ADAMTSL1: variants seen among roughly 807,000 people sequenced by gnomAD.
ADAMTSL1 encodes ADAMTS like 1, also known as ADAMTS-like protein 1.
Under a neutral mutation model 201.8 loss-of-function variants are expected in ADAMTSL1, and 126 were observed. The ratio of observed to expected loss-of-function variants is 0.62; its 90% confidence interval spans 0.54 to 0.72. ADAMTSL1 has a LOEUF of 0.72. Among genes scored for constraint, ADAMTSL1 ranks in the 30% least tolerant of loss-of-function variants. The pLI is 0.00. For synonymous variants in ADAMTSL1, 1,121 were observed against 903.4 expected (o/e 1.24, Z -4.32); for missense variants, 2,679 against 2,277.8 (o/e 1.18, Z -3.59).
chr9:18,132,932 G>T (rs773106635), intron 1 of ADAMTSL1, among the ~76,000 whole-genome samples: 2 of 152,128 alleles, frequency 1.3e-5, no homozygotes, highest in Non-Finnish European at 2.9e-5. Flanking sequence ...TACGGAGATA[G>T]CGTTCAGACT....
At chr9:17,945,402 G>A (rs1265051516) in intron 1 of ADAMTSL1, among the ~76,000 whole-genome samples, 1 of 133,806 alleles carries the variant, frequency 7.5e-6, no homozygotes, top group African/African-American at 3.0e-5. Flanking sequence ...GTGGAAGTCA[G>A]TGTGGCGATT....
intron 15 of ADAMTSL1, among the ~76,000 whole-genome samples, chr9:18,729,731 CG>C: frequency 6.6e-6 from 1 of 152,210 alleles, no homozygotes; most frequent in African/African-American, 2.4e-5. Context: ...CAGCCAAAGC[CG>C]GAGTTTGGGA....
chr9:18,816,989 G>C, intron 20 of ADAMTSL1, 120 bp from the exon 21 acceptor site: 1 of 1,301,120 alleles, frequency 7.7e-7, no homozygotes, highest in Non-Finnish European at 1.0e-6. Context: ...AGAAAACATA[G>C]TTAGTGGCAA....
intron 23 of ADAMTSL1, among the ~76,000 whole-genome samples, chr9:18,831,076 C>T (rs1029321244): frequency 9.2e-5 from 14 of 152,212 alleles, no homozygotes; most frequent in African/African-American, 3.1e-4. Flanking sequence ...AGCACAGAAA[C>T]ATGACCCTCA....
At chr9:18,838,205 G>T (rs1402635862) in intron 23 of ADAMTSL1, among the ~76,000 whole-genome samples, 1 of 151,980 alleles carries the variant, frequency 6.6e-6, no homozygotes, top group African/African-American at 2.4e-5. Context: ...AAAACCATCA[G>T]ATCTCATGAG....
chr9:18,290,908 A>C (rs1331313471), intron 2 of ADAMTSL1, among the ~76,000 whole-genome samples: 1 of 151,822 alleles, frequency 6.6e-6, no homozygotes, highest in Non-Finnish European at 1.5e-5. Flanking sequence ...CAGCCTCCCA[A>C]GTAGCTGGGA....
intron 2 of ADAMTSL1, among the ~76,000 whole-genome samples, chr9:18,401,159 C>T (rs557029760): frequency 1.3e-5 from 2 of 152,258 alleles, no homozygotes; most frequent in African/African-American, 4.8e-5. Flanking sequence ...ACTTAATGCT[C>T]GTATGAACAC....
chr9:18,395,308 CT>C (rs1817708661), intron 2 of ADAMTSL1, among the ~76,000 whole-genome samples: 1 of 152,134 alleles, frequency 6.6e-6, no homozygotes, highest in Non-Finnish European at 1.5e-5. Flanking sequence ...TTAAATCCTG[CT>C]TTTTTCCACC....
intron 2 of ADAMTSL1, among the ~76,000 whole-genome samples, chr9:18,379,425 T>C (rs1837452542): frequency 1.3e-5 from 2 of 152,216 alleles, no homozygotes. Flanking sequence ...TCAGTTTCCT[T>C]GTTCCCACCT....
intron 1 of ADAMTSL1, among the ~76,000 whole-genome samples, chr9:17,908,187 C>A (rs886504445): frequency 6.6e-6 from 1 of 152,130 alleles, no homozygotes; most frequent in Non-Finnish European, 1.5e-5. Context: ...TGGAATATGA[C>A]AAACAGTTGG....
intron 2 of ADAMTSL1, among the ~76,000 whole-genome samples, chr9:18,319,319 A>G (rs1235565672): frequency 6.6e-6 from 1 of 152,202 alleles, no homozygotes; most frequent in Non-Finnish European, 1.5e-5. Context: ...TGTCTCTTTC[A>G]ATTATATTTA....
chr9:18,177,740 C>T (rs968278442), intron 2 of ADAMTSL1, among the ~76,000 whole-genome samples: 3 of 152,160 alleles, frequency 2.0e-5, no homozygotes, highest in African/African-American at 7.2e-5. Context: ...GTTGCTGTCA[C>T]TCACTTTCTT....
chr9:18,802,552 G>A (rs990075428), intron 20 of ADAMTSL1, among the ~76,000 whole-genome samples: 4 of 152,088 alleles, frequency 2.6e-5, no homozygotes, highest in African/African-American at 7.2e-5. Flanking sequence ...TCTTGTTTAT[G>A]GTAGAATAAT....
chr9:18,778,262 T>G (rs1049320650), intron 19 of ADAMTSL1, among the ~76,000 whole-genome samples: 3 of 152,218 alleles, frequency 2.0e-5, no homozygotes, highest in African/African-American at 4.8e-5. Flanking sequence ...TACTACTCTG[T>G]AAGATGAACC....
chr9:18,407,336 G>A (rs1403935932), intron 2 of ADAMTSL1, among the ~76,000 whole-genome samples: 1 of 152,188 alleles, frequency 6.6e-6, no homozygotes, highest in African/African-American at 2.4e-5. Flanking sequence ...AAGCATGAGG[G>A]AACATGGTAC....
chr9:17,941,642 G>A (rs1018833574), intron 1 of ADAMTSL1, among the ~76,000 whole-genome samples: 5 of 152,134 alleles, frequency 3.3e-5, no homozygotes, highest in Middle Eastern at 3.4e-3. Flanking sequence ...TAGAGTCGGG[G>A]CAATATTAAA....
intron 2 of ADAMTSL1, among the ~76,000 whole-genome samples, chr9:18,458,811 A>G (rs1820703953): frequency 6.6e-6 from 1 of 152,206 alleles, no homozygotes; most frequent in Admixed American, 6.5e-5. Context: ...CAGAGTCATG[A>G]AATTCTAGAG....
rs574557465 is a variant in ADAMTSL1 at position 18,655,889 on chromosome 9, T to A, written c.835-1750T>A. 1.6e-4 allele frequency among the ~76,000 whole-genome samples: 23 copies of A among 146,190 alleles called. No individual in the cohort carries two copies. The East Asian group carries it at 4.5e-3, about 29-fold the overall frequency. ...CTACATCCCTAAGCAAGCAATTAGG[T>A]ACCCTTGTATCTGACACATAAAAAT... On this transcript the variant is annotated intron_variant, in intron 7 of 28. Transcript: ENST00000380548.
At chr9:17,993,566 A>G (rs1392597896) in intron 1 of ADAMTSL1, among the ~76,000 whole-genome samples, 1 of 152,162 alleles carries the variant, frequency 6.6e-6, no homozygotes, top group Non-Finnish European at 1.5e-5. Flanking sequence ...CAATCTAATG[A>G]GAAGTGACAG....
Sources: gnomAD v4.1 joint callset for allele counts (sites outside exome capture counted in the v4.1 genomes callset) on GRCh38, gnomAD v4.1.1 for gene constraint, MANE v1.5 for transcripts, NCBI Gene and HGNC (gene_info 2026-07-23, HGNC 2026-07-21) for gene names.